NRG3: variants seen among roughly 807,000 people sequenced by gnomAD.
NRG3 encodes the protein pro-neuregulin-3, membrane-bound isoform.
Under a neutral mutation model 66.9 loss-of-function variants are expected in NRG3, and 31 were observed. That is an observed-to-expected ratio of 0.46 (90% confidence interval 0.35 to 0.63). NRG3 has a LOEUF of 0.63. Ranked by LOEUF, NRG3 falls within the 20% of genes least tolerant of loss-of-function variation. The pLI, the probability that NRG3 is intolerant of heterozygous loss-of-function variation, is 0.00. For synonymous variants in NRG3, 393 were observed against 359.4 expected, an observed-to-expected ratio of 1.09 and a Z score of -1.06; for missense variants, 910 against 878.9, an observed-to-expected ratio of 1.04 and a Z score of -0.45.
chr10:82,325,081 G>A (rs2081793716), intron 1 of NRG3, among the ~76,000 whole-genome samples: 2 of 152,162 alleles, frequency 1.3e-5, no homozygotes, highest in Admixed American at 1.3e-4. Context: ...ATATTTTGAA[G>A]TTCTGTAGTA....
At chr10:82,504,121 T>C (rs966645945) in intron 2 of NRG3, among the ~76,000 whole-genome samples, 1 of 152,194 alleles carries the variant, frequency 6.6e-6, no homozygotes, top group Non-Finnish European at 1.5e-5. Context: ...CTCTTGTCTG[T>C]GGATTTGGTT....
intron 1 of NRG3, among the ~76,000 whole-genome samples, chr10:82,216,710 ACT>A (rs199665777): frequency 0.035 from 5,254 of 151,662 alleles, 115 homozygotes; most frequent in Admixed American, 0.043. Flanking sequence ...ATAGCTACAG[ACT>A]CTGTAATGTT....
At chr10:82,778,167 G>C (rs1471126014) in intron 3 of NRG3, among the ~76,000 whole-genome samples, 1 of 152,150 alleles carries the variant, frequency 6.6e-6, no homozygotes, top group Non-Finnish European at 1.5e-5. Flanking sequence ...CAGTGTCTCT[G>C]CTGGGTGGGA....
chr10:82,136,549 A>G (rs1436819521), intron 1 of NRG3, among the ~76,000 whole-genome samples: 1 of 152,026 alleles, frequency 6.6e-6, no homozygotes, highest in East Asian at 1.9e-4. Context: ...GCCACAATAC[A>G]ATGTTTTTTC....
intron 1 of NRG3, among the ~76,000 whole-genome samples, chr10:82,168,449 C>T (rs1211641150): frequency 6.6e-6 from 1 of 152,022 alleles, no homozygotes; most frequent in Non-Finnish European, 1.5e-5. Flanking sequence ...ATACACTTGC[C>T]CATCAAAATA....
chr10:82,634,313 A>G (rs572728177), intron 2 of NRG3, among the ~76,000 whole-genome samples: 5 of 152,162 alleles, frequency 3.3e-5, no homozygotes, highest in Non-Finnish European at 7.3e-5. Context: ...ACACAAGGCA[A>G]GGCTTGATAA....
intron 4 of NRG3, among the ~76,000 whole-genome samples, chr10:82,878,163 AG>A (rs964458515): frequency 3.3e-5 from 5 of 152,214 alleles, no homozygotes; most frequent in African/African-American, 1.2e-4. Flanking sequence ...GGAAGAATAA[AG>A]GGAAATAAGA....
At chr10:82,550,895 AC>A (rs2044264051) in intron 2 of NRG3, among the ~76,000 whole-genome samples, 2 of 152,090 alleles carry the variant, frequency 1.3e-5, no homozygotes, top group South Asian at 4.1e-4. Flanking sequence ...GAAGAAATGT[AC>A]CTCCATACCT....
intron 2 of NRG3, among the ~76,000 whole-genome samples, chr10:82,450,905 T>G (rs183266116): frequency 8.5e-5 from 13 of 152,356 alleles, no homozygotes; most frequent in African/African-American, 3.1e-4. Flanking sequence ...TGTTTCTCTC[T>G]GTTTATATGT....
At chr10:81,922,954 C>T (rs1846392778) in intron 1 of NRG3, among the ~76,000 whole-genome samples, 1 of 152,070 alleles carries the variant, frequency 6.6e-6, no homozygotes, top group African/African-American at 2.4e-5. Context: ...TGCTTTTATA[C>T]ATGTTTGACA....
At chr10:82,928,306 A>T (rs948535304) in intron 4 of NRG3, among the ~76,000 whole-genome samples, 1 of 151,956 alleles carries the variant, frequency 6.6e-6, no homozygotes, top group African/African-American at 2.4e-5. Flanking sequence ...CACTCTGATG[A>T]TAGTTTATTT....
At chr10:82,715,935 C>T (rs1312479398) in intron 2 of NRG3, among the ~76,000 whole-genome samples, 2 of 152,054 alleles carry the variant, frequency 1.3e-5, no homozygotes, top group African/African-American at 4.8e-5. Flanking sequence ...AGCTCTCTAG[C>T]CTCTTCTTAT....
intron 1 of NRG3, among the ~76,000 whole-genome samples, chr10:81,921,603 A>C (rs115454237): frequency 0.017 from 2,568 of 152,198 alleles, 41 homozygotes; most frequent in African/African-American, 0.044. Context: ...TGTAAGATTT[A>C]ATGTTTCTTA....
intron 1 of NRG3, among the ~76,000 whole-genome samples, chr10:82,062,519 T>C (rs778976134): frequency 6.6e-6 from 1 of 151,722 alleles, no homozygotes; most frequent in African/African-American, 2.4e-5. Context: ...GGCAGGAGAA[T>C]TGCTCTAACC....
chr10:81,939,297 A>T (rs564757945), intron 1 of NRG3, among the ~76,000 whole-genome samples: 1 of 152,114 alleles, frequency 6.6e-6, no homozygotes, highest in South Asian at 2.1e-4. Flanking sequence ...GTAAGTTTGA[A>T]TGTTTCCTCT....
At chr10:82,110,683 A>T (rs1032558155) in intron 1 of NRG3, among the ~76,000 whole-genome samples, 5 of 152,106 alleles carry the variant, frequency 3.3e-5, no homozygotes, top group Non-Finnish European at 7.4e-5. Context: ...GAGCAACTAG[A>T]AGGTGAGGAG....
At chr10:82,366,898 A>C (rs1189052040) in intron 2 of NRG3, among the ~76,000 whole-genome samples, 1 of 152,208 alleles carries the variant, frequency 6.6e-6, no homozygotes, top group Non-Finnish European at 1.5e-5. Flanking sequence ...GCATAAAATA[A>C]AAATAATCTG....
chr10:82,105,890 A>G (rs987860), intron 1 of NRG3, among the ~76,000 whole-genome samples: 116,754 of 152,070 alleles, frequency 0.77, 44,920 homozygotes, highest in Non-Finnish European at 0.79. Flanking sequence ...TCCAAGACAC[A>G]CTGCTCGGTA....
intron 1 of NRG3, among the ~76,000 whole-genome samples, chr10:82,133,128 A>G (rs1046631303): frequency 6.7e-6 from 1 of 150,308 alleles, no homozygotes; most frequent in African/African-American, 2.4e-5. Flanking sequence ...TTGCTTTTCT[A>G]TTTCTTTAAA....
Sources: allele counts gnomAD v4.1 joint callset (sites outside exome capture counted in the v4.1 genomes callset), GRCh38; gene constraint gnomAD v4.1.1; transcripts MANE v1.5; gene names NCBI Gene and HGNC (gene_info 2026-07-23, HGNC 2026-07-21).